The following TDRD5 variants were observed in gnomAD, a reference collection of about 807,000 sequenced individuals.
The protein encoded by TDRD5 is tudor domain-containing protein 5.
Under a neutral mutation model 120.6 loss-of-function variants are expected in TDRD5, and 41 were observed. The observed-to-expected ratio is 0.34, with a 90% CI of 0.26 to 0.44. TDRD5 has a LOEUF of 0.44. Among genes scored for constraint, TDRD5 ranks in the 20% least tolerant of loss-of-function variants. The pLI is 1.00. For missense variants in TDRD5, 1,006 were observed against 1,221.2 expected, an observed-to-expected ratio of 0.82 and a Z score of 2.63; for synonymous variants, 430 against 433.7, an observed-to-expected ratio of 0.99 and a Z score of 0.11.
chr1:179,599,556 C>A (rs1675587263), intron 4 of TDRD5, among the ~76,000 whole-genome samples: 2 of 150,706 alleles, frequency 1.3e-5, no homozygotes, highest in Admixed American at 1.3e-4. Flanking sequence ...TTTAAATGAG[C>A]CTTGGTACCT....
intron 9 of TDRD5, among the ~76,000 whole-genome samples, chr1:179,637,614 G>A (rs1677832585): frequency 1.3e-5 from 2 of 151,394 alleles, no homozygotes; most frequent in South Asian, 4.1e-4. Context: ...GGGCATGATG[G>A]TGCATGCCTG....
intron 17 of TDRD5, among the ~76,000 whole-genome samples, chr1:179,688,279 G>T (rs368569376): frequency 1.3e-5 from 2 of 152,202 alleles, no homozygotes; most frequent in Admixed American, 6.5e-5. Flanking sequence ...GTCTGTAAAG[G>T]ATTTTATTTC....
At chr1:179,672,909 T>A (rs1679930585) in intron 17 of TDRD5, among the ~76,000 whole-genome samples, 2 of 152,214 alleles carry the variant, frequency 1.3e-5, no homozygotes, top group African/African-American at 4.8e-5. Flanking sequence ...TGGCTGTAAG[T>A]ATTTGGCTTT....
intron 16 of TDRD5, 133 bp from the exon 17 acceptor site, chr1:179,669,061 T>C: frequency 1.1e-6 from 1 of 920,510 alleles, no homozygotes; most frequent in Non-Finnish European, 1.6e-6. Context: ...TCTAGGTTCT[T>C]GAAAGTGAGT....
intron 7 of TDRD5, among the ~76,000 whole-genome samples, chr1:179,631,992 C>T (rs1051814658): frequency 2.6e-5 from 4 of 151,370 alleles, no homozygotes; most frequent in Non-Finnish European, 5.9e-5. Context: ...CTGCAACCTC[C>T]GCCTCGCGGG....
chr1:179,648,977 G>A (rs902917313), intron 11 of TDRD5, among the ~76,000 whole-genome samples: 2 of 151,992 alleles, frequency 1.3e-5, no homozygotes, highest in Non-Finnish European at 2.9e-5. Flanking sequence ...GTAGAAACAT[G>A]GATTTACTAA....
At chr1:179,653,990 G>A (rs1253790904) in intron 13 of TDRD5, among the ~76,000 whole-genome samples, 1 of 152,140 alleles carries the variant, frequency 6.6e-6, no homozygotes, top group Non-Finnish European at 1.5e-5. Context: ...GAGCTGTCTT[G>A]TAGACATTTC....
chr1:179,672,286 TA>T (rs1679899458), intron 17 of TDRD5, among the ~76,000 whole-genome samples: 1 of 152,164 alleles, frequency 6.6e-6, no homozygotes, highest in Admixed American at 6.5e-5. Context: ...ATTATTTTTT[TA>T]TTTTTTTGAT....
At chr1:179,675,824 T>C (rs1680117034) in intron 17 of TDRD5, among the ~76,000 whole-genome samples, 1 of 152,212 alleles carries the variant, frequency 6.6e-6, no homozygotes, top group Non-Finnish European at 1.5e-5. Context: ...ATGAATAGAA[T>C]ATATATTCTG....
intron 17 of TDRD5, among the ~76,000 whole-genome samples, chr1:179,678,189 C>T (rs558896867): frequency 1.3e-5 from 2 of 152,208 alleles, no homozygotes; most frequent in Admixed American, 6.5e-5. Context: ...GGGGGAAAGC[C>T]GGCAGTCACG....
rs905351233 is a variant in TDRD5 at position 179,669,826 on chromosome 1, T to C, written c.2860+422T>C. On this transcript the variant is annotated intron_variant, in intron 17 of 17. Transcript: ENST00000444136. ...TCACTTTCCCTTTTCTAGAATTTCA[T>C]ATAAATGGAATTATGTGTAGTTTTT... Among the ~76,000 whole-genome samples, 7 of 152,238 alleles carry C rather than the reference T, an allele frequency of 4.6e-5. No homozygotes were observed. The East Asian group carries it at 1.2e-3, about 25-fold the overall frequency.
At chr1:179,689,737 C>G (rs77468071) in intron 17 of TDRD5, among the ~76,000 whole-genome samples, 2 of 152,174 alleles carry the variant, frequency 1.3e-5, no homozygotes, top group South Asian at 4.1e-4. Flanking sequence ...GTTACCTACT[C>G]AAACCTCAGC....
intron 6 of TDRD5, among the ~76,000 whole-genome samples, chr1:179,629,543 T>G (rs1013320395): frequency 1.3e-5 from 2 of 152,184 alleles, no homozygotes; most frequent in African/African-American, 4.8e-5. Flanking sequence ...TTTTTTAGGC[T>G]CAGAAATAAG....
At chr1:179,668,387 A>G (rs977741083) in intron 16 of TDRD5, among the ~76,000 whole-genome samples, 2 of 152,212 alleles carry the variant, frequency 1.3e-5, no homozygotes, top group African/African-American at 4.8e-5. Flanking sequence ...CACAGAGAAC[A>G]TAGACTGGCT....
intron 1 of TDRD5, chr1:179,592,337 T>G: frequency 2.6e-6 from 1 of 383,916 alleles, no homozygotes; most frequent in Middle Eastern, 8.4e-4. Context: ...TGCGTTGGAG[T>G]CCAACACCCG....
At chr1:179,620,126 T>C (rs1676766546) in intron 5 of TDRD5, among the ~76,000 whole-genome samples, 1 of 152,194 alleles carries the variant, frequency 6.6e-6, no homozygotes, top group African/African-American at 2.4e-5. Flanking sequence ...TGTTCTTTGA[T>C]ATAAAACCAT....
intron 17 of TDRD5, among the ~76,000 whole-genome samples, chr1:179,678,432 G>C (rs1343650035): frequency 6.6e-6 from 1 of 152,122 alleles, no homozygotes; most frequent in Non-Finnish European, 1.5e-5. Flanking sequence ...GATCCTCTCA[G>C]CTTTCCCTAT....
rs774477381 is a variant in TDRD5, at chr1:179,662,332, GGCTCAA to G, written c.2505+49_2505+54del. 3 of 1,568,164 alleles carry G rather than the reference GGCTCAA, an allele frequency of 1.9e-6. No homozygotes were observed. In the East Asian group the frequency reaches 7.1e-5, roughly 37 times the overall value. On this transcript the variant is annotated intron_variant, in intron 15 of 17. Transcript: ENST00000444136. ...GAAAGCAAATCAGGCCGGGCACTGCGGCTCAAGCCTGTAATCCTAGCAGTTTGGGAG... is the reference window on the plus strand; with the variant it reads ...GAAAGCAAATCAGGCCGGGCACTGCGGCCTGTAATCCTAGCAGTTTGGGAG...
rs931725817 is a variant in TDRD5, at chr1:179,650,880, C to G, written c.1814C>G (p.Ser605Trp). The G allele has an allele frequency of 2.5e-6, 4 of 1,613,952 alleles. No individual in the cohort carries two copies. Among genetic ancestry groups the G allele is most frequent in the African/African-American group, 1.3e-5 (1 of 74,892 alleles). The change falls in exon 12 of 18, where the codon TCG (serine) becomes TGG (tryptophan). Residue 605 changes from serine to tryptophan, a missense_variant. Coordinates refer to ENST00000444136, the MANE Select transcript of TDRD5 (RefSeq NM_001199085.3). ...WVRPVEEHWT[S>W]KAILQFQKLC... ...ATCATATTTCAGGAACACTGGACATCGAAAGCTATTTTGCAGTTCCAGAAG... is the reference window on the plus strand; with the variant it reads ...ATCATATTTCAGGAACACTGGACATGGAAAGCTATTTTGCAGTTCCAGAAG...
Sources: gnomAD v4.1 joint callset for allele counts (sites outside exome capture counted in the v4.1 genomes callset) on GRCh38, gnomAD v4.1.1 for gene constraint, MANE v1.5 for transcripts, NCBI Gene and HGNC (gene_info 2026-07-23, HGNC 2026-07-21) for gene names.